Variants in MACROD2 observed in about 807,000 individuals in gnomAD.
MACROD2 encodes the protein ADP-ribose glycohydrolase MACROD2.
MACROD2 carries 36 observed loss-of-function variants against 70.4 expected under a neutral mutation model. The ratio of observed to expected loss-of-function variants is 0.51; its 90% CI spans 0.39 to 0.68. The LOEUF is 0.68. Ranked by LOEUF, MACROD2 falls within the 30% of genes least tolerant of loss-of-function variation. The pLI, the probability that MACROD2 is intolerant of heterozygous loss-of-function variation, is 0.00. For missense variants in MACROD2, 496 were observed against 538.4 expected (o/e 0.92, Z 0.78); for synonymous variants, 172 against 178.8 (o/e 0.96, Z 0.30).
chr20:14,560,160 A>G (rs1422247581), intron 4 of MACROD2, among the ~76,000 whole-genome samples: 1 of 151,840 alleles, frequency 6.6e-6, no homozygotes, highest in Non-Finnish European at 1.5e-5. Context: ...AGAATTTTCT[A>G]TAGAGACCTT....
At chr20:15,322,511 G>A (rs2077883788) in intron 6 of MACROD2, among the ~76,000 whole-genome samples, 1 of 144,110 alleles carries the variant, frequency 6.9e-6, no homozygotes, top group Non-Finnish European at 1.6e-5. Context: ...TTATTGAAAT[G>A]TCTTTGTGCC....
chr20:15,455,778 TG>T (rs2046716658), intron 7 of MACROD2, among the ~76,000 whole-genome samples: 1 of 152,180 alleles, frequency 6.6e-6, no homozygotes, highest in South Asian at 2.1e-4. Flanking sequence ...TTGTAACGTC[TG>T]TGCTCGGTTT....
intron 4 of MACROD2, among the ~76,000 whole-genome samples, chr20:14,675,056 C>A (rs529720784): frequency 2.9e-4 from 44 of 151,986 alleles, no homozygotes; most frequent in African/African-American, 9.9e-4. Context: ...AAGAAGGAGA[C>A]AAAGACCAAA....
intron 6 of MACROD2, among the ~76,000 whole-genome samples, chr20:15,237,364 G>A (rs115686406): frequency 0.01 from 1,566 of 152,266 alleles, 25 homozygotes; most frequent in African/African-American, 0.036. Context: ...TTTTTTTGTA[G>A]TGATTCTACG....
At chr20:15,118,196 A>AATT (rs1465636938) in intron 5 of MACROD2, among the ~76,000 whole-genome samples, 1 of 146,050 alleles carries the variant, frequency 6.8e-6, no homozygotes, top group Non-Finnish European at 1.5e-5. Flanking sequence ...TTAATTTTAA[A>AATT]TTTTTTTTTT....
At chr20:15,971,781 T>C (rs1222110908) in intron 13 of MACROD2, among the ~76,000 whole-genome samples, 1 of 152,154 alleles carries the variant, frequency 6.6e-6, no homozygotes, top group Non-Finnish European at 1.5e-5. Flanking sequence ...AGTCTTTGTC[T>C]TCTGTCAGCA....
chr20:14,859,772 C>T (rs1466609510), intron 5 of MACROD2, among the ~76,000 whole-genome samples: 1 of 152,130 alleles, frequency 6.6e-6, no homozygotes, highest in Non-Finnish European at 1.5e-5. Flanking sequence ...CTGTAAATAT[C>T]ATTTATGAGA....
intron 5 of MACROD2, among the ~76,000 whole-genome samples, chr20:14,761,179 T>C (rs1374963798): frequency 6.6e-6 from 1 of 152,080 alleles, no homozygotes; most frequent in African/African-American, 2.4e-5. Context: ...AAAGTCTGTT[T>C]TCATCTTTGA....
intron 8 of MACROD2, among the ~76,000 whole-genome samples, chr20:15,694,774 G>C (rs1308712277): frequency 1.3e-5 from 2 of 152,012 alleles, no homozygotes; most frequent in Admixed American, 1.3e-4. Flanking sequence ...TTGGGTTCTT[G>C]GTCATGAAAT....
intron 5 of MACROD2, among the ~76,000 whole-genome samples, chr20:14,979,638 A>G (rs1217823910): frequency 6.6e-6 from 1 of 152,212 alleles, no homozygotes; most frequent in Non-Finnish European, 1.5e-5. Context: ...TTCGACATAA[A>G]TGTCAATGTT....
intron 3 of MACROD2, among the ~76,000 whole-genome samples, chr20:14,215,726 C>T (rs977717871): frequency 4.6e-5 from 7 of 152,202 alleles, no homozygotes; most frequent in East Asian, 3.9e-4. Context: ...GAGGTGCTAT[C>T]GCATTGTGGT....
intron 6 of MACROD2, among the ~76,000 whole-genome samples, chr20:15,376,145 T>C (rs1327504539): frequency 6.6e-6 from 1 of 152,338 alleles, no homozygotes; most frequent in East Asian, 1.9e-4. Context: ...TAATACTTGT[T>C]ATTAATACTT....
intron 3 of MACROD2, among the ~76,000 whole-genome samples, chr20:14,118,841 GA>G (rs1481951193): frequency 7.1e-6 from 1 of 141,676 alleles, no homozygotes; most frequent in African/African-American, 2.6e-5. Context: ...TAGTGACTGT[GA>G]TTTTTTTTTT....
chr20:15,927,260 G>T (rs1174171663), intron 10 of MACROD2, among the ~76,000 whole-genome samples: 2 of 152,046 alleles, frequency 1.3e-5, no homozygotes, highest in African/African-American at 4.8e-5. Context: ...CTAATCCCTT[G>T]ACATGTGTTT....
At chr20:15,678,516 T>A (rs56060614) in intron 8 of MACROD2, among the ~76,000 whole-genome samples, 36,250 of 151,826 alleles carry the variant, frequency 0.24, 4,595 homozygotes, top group Non-Finnish European at 0.28. Context: ...CCCGCCACCA[T>A]GCCTGGCTAA....
At chr20:14,601,531 A>G (rs1568692691) in intron 4 of MACROD2, among the ~76,000 whole-genome samples, 2 of 149,828 alleles carry the variant, frequency 1.3e-5, no homozygotes, top group African/African-American at 4.9e-5. Flanking sequence ...CCAAAACAGT[A>G]TTTTTTTTTT....
chr20:14,923,804 C>T (rs992829506), intron 5 of MACROD2, among the ~76,000 whole-genome samples: 29 of 5,662 alleles, frequency 5.1e-3, no homozygotes, highest in South Asian at 0.039. Flanking sequence ...GAGGGGGGGG[C>T]GGCGGGGCGG....
At position 14,526,159 on chromosome 20, in the gene MACROD2, A is replaced by G. The variant is rs187240013; in HGVS notation, c.301+32651A>G. Among the ~76,000 whole-genome samples the G allele has an allele frequency of 3.9e-5, 6 of 152,324 alleles. No homozygotes were observed. The East Asian group carries it at 9.7e-4, about 25-fold the overall frequency. On this transcript the variant is annotated intron_variant, in intron 4 of 17. Transcript: ENST00000684519. ...GATGACTCTGACATCAGTATTTTCC[A>G]TATCTCTTTTAACCCAATTGTGACT...
At chr20:15,315,846 G>A (rs1459698211) in intron 6 of MACROD2, among the ~76,000 whole-genome samples, 1 of 151,798 alleles carries the variant, frequency 6.6e-6, no homozygotes, top group Non-Finnish European at 1.5e-5. Flanking sequence ...GATTTAAAAG[G>A]CAAATGCACA....
Sources: gnomAD v4.1 joint callset for allele counts (sites outside exome capture counted in the v4.1 genomes callset) on GRCh38, gnomAD v4.1.1 for gene constraint, MANE v1.5 for transcripts, NCBI Gene and HGNC (gene_info 2026-07-23, HGNC 2026-07-21) for gene names.